Variants in TLE7 observed in about 807,000 individuals in gnomAD.
TLE7 encodes the protein transducin-like enhancer protein 7.
Position 71,431,285 on chromosome 16 carries a change from AAGC to A in TLE7, c.994-14_994-12del. On this transcript the variant is annotated splice_polypyrimidine_tract_variant and intron_variant, in intron 7 of 9. Coordinates refer to ENST00000561754, the MANE Select transcript of TLE7 (RefSeq NM_001367365.2). This position sits in a 1 kb window ranked among gnomAD's most constrained non-coding sequence, Gnocchi z 4.5. ...GGTAATGCTGAGGATCTGTTCGTGG[AAGC>A]AGGTTTGAGGTCAGCACTCAAAGTT... 2.5e-6 allele frequency: 1 copy of A among 399,446 alleles called. No individual in the cohort carries two copies. The highest frequency in any genetic ancestry group is 3.6e-5 in the East Asian group (1 of 28,070). The allele number at this position is 399,446 out of a possible 1,614,324, so 24.7% of individuals were successfully genotyped here.
chr16:71,430,643 T>G (rs539262543), intron 9 of TLE7, 25 bp downstream of exon 9: 1 of 398,534 alleles, frequency 2.5e-6, no homozygotes, highest in African/African-American at 2.1e-5. Context: ...GTGCCTGGGT[T>G]CGGGCATCCC....
intron 1 of TLE7, among the ~76,000 whole-genome samples, chr16:71,437,087 G>A (rs774183853): frequency 6.6e-6 from 1 of 152,180 alleles, no homozygotes; most frequent in East Asian, 1.9e-4. Context: ...GGTGGTGCAC[G>A]CCTGTAATCC....
chr16:71,434,103 T>C (rs1210683858), intron 1 of TLE7, among the ~76,000 whole-genome samples: 2 of 152,126 alleles, frequency 1.3e-5, no homozygotes. Context: ...CCCCAAGAGA[T>C]CATAAGAATA....
At chr16:71,436,975 A>G (rs969255084) in intron 1 of TLE7, among the ~76,000 whole-genome samples, 2 of 152,334 alleles carry the variant, frequency 1.3e-5, no homozygotes, top group Admixed American at 1.3e-4. Context: ...TAATCCCAGC[A>G]CTTGGGGAGG....
chr16:71,436,461 G>A (rs2042826467), intron 1 of TLE7, among the ~76,000 whole-genome samples: 1 of 152,158 alleles, frequency 6.6e-6, no homozygotes, highest in Non-Finnish European at 1.5e-5. Flanking sequence ...TAACCTATGA[G>A]CCCTTGAATT....
intron 1 of TLE7, among the ~76,000 whole-genome samples, chr16:71,440,891 C>T (rs2042844624): frequency 2.0e-5 from 3 of 152,196 alleles, no homozygotes; most frequent in Admixed American, 6.5e-5. Context: ...CCCACCTCCT[C>T]CCTCACTGTC....
intron 2 of TLE7, 34 bp from the exon 3 acceptor site, chr16:71,432,926 G>C (rs1472383230): frequency 2.5e-6 from 1 of 399,288 alleles, no homozygotes; most frequent in Admixed American, 4.4e-5. Flanking sequence ...GGAGGAGACA[G>C]AGTGTGAGCC....
rs1367027662 is a variant in TLE7 at position 71,431,567 on chromosome 16, T to C, written c.852-5A>G. ...TATACAGGAACTTCGTGCTTCCTGGTGGGTGGGAAAACAACTCAGAGGGTC... is the reference window on the plus strand; with the variant it reads ...TATACAGGAACTTCGTGCTTCCTGGCGGGTGGGAAAACAACTCAGAGGGTC... On this transcript the variant is annotated splice_region_variant and splice_polypyrimidine_tract_variant and intron_variant, in intron 6 of 9. Coordinates refer to ENST00000561754, the MANE Select transcript of TLE7 (RefSeq NM_001367365.2). This position sits in a 1 kb window ranked among gnomAD's most constrained non-coding sequence, Gnocchi z 4.5. 1.0e-5 allele frequency: 4 copies of C among 400,682 alleles called. No homozygotes were observed. The Admixed American group carries it at 1.3e-4, about 13-fold the overall frequency. The allele number at this position is 400,682 out of a possible 1,614,324, so 24.8% of individuals were successfully genotyped here.
At chr16:71,441,788 A>C (rs1052422317) in intron 1 of TLE7, among the ~76,000 whole-genome samples, 181 bp downstream of exon 1, 1 of 152,204 alleles carries the variant, frequency 6.6e-6, no homozygotes, top group African/African-American at 2.4e-5. Context: ...CCCACGGCCG[A>C]CGCATAGGCA....
At chr16:71,435,466 T>A (rs2042822619) in intron 1 of TLE7, among the ~76,000 whole-genome samples, 1 of 152,154 alleles carries the variant, frequency 6.6e-6, no homozygotes, top group African/African-American at 2.4e-5. Context: ...TACATTGATA[T>A]GGAATATTCC....
chr16:71,440,355 G>C (rs377655295), intron 1 of TLE7, among the ~76,000 whole-genome samples: 1 of 152,192 alleles, frequency 6.6e-6, no homozygotes, highest in African/African-American at 2.4e-5. Flanking sequence ...CCGGGCACCT[G>C]TAATCCCAGC....
intron 8 of TLE7, 126 bp from the exon 9 acceptor site, chr16:71,430,867 A>G (rs998382048): frequency 5.0e-6 from 2 of 397,254 alleles, no homozygotes; most frequent in Non-Finnish European, 8.9e-6. Flanking sequence ...AATCAGACAC[A>G]CAACCCAAGC....
rs1351108812 is a variant in TLE7, at chr16:71,433,192, T to C, written c.133A>G (p.Ser45Gly). The C allele has an allele frequency of 7.5e-6, 3 of 398,630 alleles. No homozygotes were observed. The highest frequency in any genetic ancestry group is 6.2e-5 in the African/African-American group (3 of 48,652). The allele number at this position is 398,630 out of a possible 1,614,324, so 24.7% of individuals were successfully genotyped here. A position where few individuals can be genotyped will look rare whatever the true frequency, so the allele number is the denominator to read the frequency against. The part of the protein sequence containing the change: ...PEPQVQQQLG[S>G]LLGVPWQPPG... ...GGCTGCCAGGGCACTCCCAACAGAC[T>C]GCCCAGTTGCTGCTGCACTTGTGGC... The change falls in exon 2 of 10, where the codon AGT becomes GGT. Residue 45 changes from serine to glycine, a missense_variant. By Grantham distance (56) the Ser-to-Gly change is moderately conservative. Transcript: ENST00000561754.
intron 1 of TLE7, among the ~76,000 whole-genome samples, chr16:71,436,142 C>T (rs1475338377): frequency 1.3e-5 from 2 of 152,140 alleles, no homozygotes; most frequent in African/African-American, 4.8e-5. Context: ...ACTCAAACCC[C>T]CCATGGCAGG....
At chr16:71,441,324 A>ATCC (rs2042846862) in intron 1 of TLE7, among the ~76,000 whole-genome samples, 1 of 152,236 alleles carries the variant, frequency 6.6e-6, no homozygotes, top group South Asian at 2.1e-4. Context: ...GCCCCAAGCA[A>ATCC]TCCTCCCGCC....
intron 9 of TLE7, 138 bp from the exon 10 acceptor site, chr16:71,430,504 T>A (rs1596983865): frequency 5.0e-6 from 2 of 397,800 alleles, no homozygotes; most frequent in African/African-American, 4.1e-5. Context: ...TCAAGGTGAC[T>A]TGGGAGTTCA....
At chr16:71,435,083 T>C (rs780024726) in intron 1 of TLE7, among the ~76,000 whole-genome samples, 1 of 152,180 alleles carries the variant, frequency 6.6e-6, no homozygotes, top group Non-Finnish European at 1.5e-5. Flanking sequence ...AGTTAGAGTA[T>C]AGCCATATGG....
At chr16:71,439,075 C>T (rs2042837806) in intron 1 of TLE7, among the ~76,000 whole-genome samples, 1 of 152,192 alleles carries the variant, frequency 6.6e-6, no homozygotes, top group South Asian at 2.1e-4. Context: ...GTGCTGGGCA[C>T]TGAGGAGATG....
At chr16:71,434,386 C>T (rs2145044120) in intron 1 of TLE7, among the ~76,000 whole-genome samples, 1 of 152,274 alleles carries the variant, frequency 6.6e-6, no homozygotes, top group African/African-American at 2.4e-5. Flanking sequence ...TAGGAAGGCC[C>T]TGGAGAGACC....
Sources: allele counts gnomAD v4.1 joint callset (sites outside exome capture counted in the v4.1 genomes callset), GRCh38; gene constraint gnomAD v4.1.1; non-coding constraint Gnocchi (gnomAD v3.1); transcripts MANE v1.5; gene names NCBI Gene and HGNC (gene_info 2026-07-23, HGNC 2026-07-21).